The following AGXT2 variants were observed in gnomAD, a reference collection of about 807,000 sequenced individuals.
AGXT2 encodes the protein alanine--glyoxylate aminotransferase 2.
Under a neutral mutation model 62.5 loss-of-function variants are expected in AGXT2, and 61 were observed. The observed-to-expected ratio is 0.98, with a 90% CI of 0.79 to 1.21. The LOEUF (loss-of-function observed/expected upper bound fraction) is 1.21, where lower values mean the gene tolerates loss of function less well. Among genes scored for constraint, AGXT2 ranks in the 50% most tolerant of loss-of-function variants. The probability of loss-of-function intolerance (pLI) is 0.00; values close to 1 mark genes in which losing one functional copy is unlikely to be tolerated. For missense variants in AGXT2, 666 were observed against 641.5 expected, an observed-to-expected ratio of 1.04 and a Z score of -0.41; for synonymous variants, 243 against 218.7, an observed-to-expected ratio of 1.11 and a Z score of -0.98.
chr5:35,001,490 C>A (rs1244713716), intron 13 of AGXT2, among the ~76,000 whole-genome samples: 2 of 152,214 alleles, frequency 1.3e-5, no homozygotes, highest in African/African-American at 4.8e-5. Flanking sequence ...GAGTTTGGAT[C>A]CTGGTTCTGT....
chr5:35,040,999 T>C (rs1201981088), intron 1 of AGXT2, among the ~76,000 whole-genome samples: 1 of 152,002 alleles, frequency 6.6e-6, no homozygotes, highest in Non-Finnish European at 1.5e-5. Flanking sequence ...CAATGCGTTG[T>C]TGGAGTCCAT....
intron 12 of AGXT2, among the ~76,000 whole-genome samples, chr5:35,009,459 G>T (rs1391136430): frequency 6.6e-6 from 1 of 152,086 alleles, no homozygotes; most frequent in Non-Finnish European, 1.5e-5. Flanking sequence ...AGCCAGGTAT[G>T]GTGGTGTGTG....
intron 3 of AGXT2, among the ~76,000 whole-genome samples, chr5:35,037,942 G>A (rs1423358768): frequency 2.0e-5 from 3 of 151,818 alleles, no homozygotes; most frequent in African/African-American, 7.2e-5. Flanking sequence ...TTGCTGTAAA[G>A]GACATTAATT....
At chr5:35,041,326 T>TTGTGTG (rs59232333) in intron 1 of AGXT2, among the ~76,000 whole-genome samples, 1 of 149,074 alleles carries the variant, frequency 6.7e-6, no homozygotes, top group East Asian at 2.0e-4. Context: ...GACCTTACAT[T>TTGTGTG]TGTGTGTGTG....
chr5:35,024,599 AACTATTTTCAAATGCAGT>A (rs1261827562), intron 9 of AGXT2, among the ~76,000 whole-genome samples: 7 of 152,116 alleles, frequency 4.6e-5, no homozygotes, highest in African/African-American at 1.7e-4. Flanking sequence ...ATTTTTGGGG[AACTATTTTCAAATGCAGT>A]ACCTGCAGTT....
At chr5:35,020,588 G>C (rs918257210) in intron 9 of AGXT2, among the ~76,000 whole-genome samples, 17 of 152,054 alleles carry the variant, frequency 1.1e-4, no homozygotes, top group Middle Eastern at 3.4e-3. Flanking sequence ...ATAATAAGAG[G>C]TATCTATGAC....
At chr5:35,041,398 T>C (rs1297746321) in intron 1 of AGXT2, among the ~76,000 whole-genome samples, 1 of 151,920 alleles carries the variant, frequency 6.6e-6, no homozygotes, top group Non-Finnish European at 1.5e-5. Flanking sequence ...AATTAATCTG[T>C]TTAAGGTTAT....
rs1231159475 is a variant in AGXT2, at chr5:35,047,728, GGCAGCAGCCTTCGGA to G, written c.88+62_88+76del. The G allele has an allele frequency of 3.9e-6, 6 of 1,553,950 alleles. No homozygotes were observed. In the African/African-American group the frequency reaches 5.5e-5, roughly 14 times the overall value. ...CCAGGTCTAACATTCCAGAATCCCAGGCAGCAGCCTTCGGAGCTCAAGTCTTACCCTCTCGCTGAT... is the reference window on the plus strand; with the variant it reads ...CCAGGTCTAACATTCCAGAATCCCAGGCTCAAGTCTTACCCTCTCGCTGAT... On this transcript the variant is annotated intron_variant, in intron 1 of 13. Coordinates refer to ENST00000231420, the MANE Select transcript of AGXT2 (RefSeq NM_031900.4).
rs549545151 is a variant in AGXT2, at chr5:35,030,433, G to A, written c.769+2299C>T. Among the ~76,000 whole-genome samples, 638 of 152,250 alleles carry A rather than the reference G, an allele frequency of 4.2e-3. 6 individuals carry two copies. The highest frequency in any genetic ancestry group is 7.6e-3 in the Non-Finnish European group (519 of 68,010). On this transcript the variant is annotated intron_variant, in intron 7 of 13. Coordinates refer to ENST00000231420, the MANE Select transcript of AGXT2 (RefSeq NM_031900.4). ...TGAGGCAGGAGAATCGCTTGAACCC[G>A]GGAGGCGGAGGTTGCAGTGAGCCGA...
intron 9 of AGXT2, among the ~76,000 whole-genome samples, chr5:35,018,321 G>A (rs921304089): frequency 1.3e-5 from 2 of 152,160 alleles, no homozygotes; most frequent in African/African-American, 4.8e-5. Context: ...GGCAGCAAGA[G>A]AGAAAGGTCA....
chr5:35,027,325 T>C (rs1279127819), intron 7 of AGXT2, among the ~76,000 whole-genome samples: 1 of 152,196 alleles, frequency 6.6e-6, no homozygotes, highest in Non-Finnish European at 1.5e-5. Flanking sequence ...ATCTTTCTAA[T>C]GGGGAAAAGC....
At chr5:35,026,684 A>C (rs1767366933) in intron 7 of AGXT2, among the ~76,000 whole-genome samples, 174 bp from the exon 8 acceptor site, 1 of 152,136 alleles carries the variant, frequency 6.6e-6, no homozygotes, top group Admixed American at 6.5e-5. Context: ...TGAAGGGGGA[A>C]TGTTCTCTCT....
intron 1 of AGXT2, among the ~76,000 whole-genome samples, chr5:35,042,957 A>C (rs1768043543): frequency 6.6e-6 from 1 of 152,204 alleles, no homozygotes; most frequent in South Asian, 2.1e-4. Context: ...TTTTCACTTC[A>C]ATTCACATGA....
rs1767538236 is a variant in AGXT2, at chr5:35,030,896, C to A, written c.769+1836G>T. 2.0e-5 allele frequency among the ~76,000 whole-genome samples: 3 copies of A among 152,330 alleles called. No individual in the cohort carries two copies. In the South Asian group the frequency reaches 6.2e-4, roughly 32 times the overall value. ...CGGCTTTACCAGGCATTGCTATGGT[C>A]TGTTTTTCTCTACAAAAGTTCTCCG... On this transcript the variant is annotated intron_variant, in intron 7 of 13. Coordinates refer to ENST00000231420, the MANE Select transcript of AGXT2 (RefSeq NM_031900.4).
At chr5:35,015,849 CAAAA>C (rs557021858) in intron 9 of AGXT2, among the ~76,000 whole-genome samples, 50 of 69,486 alleles carry the variant, frequency 7.2e-4, no homozygotes, top group Non-Finnish European at 8.1e-4. Flanking sequence ...GACTCCATCT[CAAAA>C]AAAAAAAAAA....
intron 9 of AGXT2, among the ~76,000 whole-genome samples, chr5:35,017,547 G>C (rs1363274198): frequency 1.3e-5 from 2 of 152,160 alleles, no homozygotes; most frequent in Non-Finnish European, 2.9e-5. Flanking sequence ...TCTCTTGTCT[G>C]CTACCATGTA....
intron 13 of AGXT2, among the ~76,000 whole-genome samples, chr5:35,000,281 A>C (rs891522722): frequency 5.3e-5 from 8 of 151,902 alleles, no homozygotes; most frequent in African/African-American, 1.9e-4. Flanking sequence ...TCTTTCTTCC[A>C]TGACTTCACA....
intron 1 of AGXT2, among the ~76,000 whole-genome samples, chr5:35,045,442 T>C (rs946462935): frequency 1.3e-5 from 2 of 152,182 alleles, no homozygotes; most frequent in African/African-American, 4.8e-5. Context: ...ATATATATTT[T>C]TACATATTTA....
intron 7 of AGXT2, among the ~76,000 whole-genome samples, chr5:35,029,544 A>G (rs1767484685): frequency 6.6e-6 from 1 of 152,226 alleles, no homozygotes; most frequent in African/African-American, 2.4e-5. Context: ...GAGGCTTGGC[A>G]GGAAGAAAAC....
Sources: allele counts gnomAD v4.1 joint callset (sites outside exome capture counted in the v4.1 genomes callset), GRCh38; gene constraint gnomAD v4.1.1; transcripts MANE v1.5; gene names NCBI Gene and HGNC (gene_info 2026-07-23, HGNC 2026-07-21).